The following HADHA variants were observed in gnomAD, a reference collection of about 807,000 sequenced individuals.
HADHA encodes trifunctional enzyme subunit alpha, mitochondrial.
A neutral mutation model predicts 91.3 loss-of-function variants in HADHA; 59 were observed. That is an observed-to-expected ratio of 0.65 (90% CI 0.52 to 0.80). HADHA has a LOEUF of 0.80. HADHA is among the 30% of genes least tolerant of loss of function. HADHA has a pLI of 0.00. For synonymous variants in HADHA, 320 were observed against 338.9 expected (o/e 0.94, Z 0.61); for missense variants, 800 against 927.6 (o/e 0.86, Z 1.79).
intron 3 of HADHA, 27 bp downstream of exon 3, chr2:26,238,907 A>C: frequency 6.7e-7 from 1 of 1,486,166 alleles, no homozygotes; most frequent in Non-Finnish European, 9.4e-7. Flanking sequence ...CGGTTAGCAG[A>C]AAAAAACTGC....
rs899955369 is a variant in HADHA, at chr2:26,227,593, T to C, written c.676+2599A>G. On this transcript the variant is annotated intron_variant, in intron 7 of 19. Transcript: ENST00000380649. ...TAAAAAGATTGACCATGCAAAGTGG[T>C]TGGTACCTAGAACTCTCATACACTG... is the stretch of plus-strand genomic sequence containing the variant. Among the ~76,000 whole-genome samples the C allele has an allele frequency of 1.7e-4, 26 of 152,038 alleles. 1 individual carries two copies. Among genetic ancestry groups the C allele is most frequent in the Non-Finnish European group, 1.5e-5 (1 of 68,018 alleles).
chr2:26,196,851 A>G (rs1669688514), intron 14 of HADHA, among the ~76,000 whole-genome samples: 1 of 152,210 alleles, frequency 6.6e-6, no homozygotes, highest in African/African-American at 2.4e-5. Flanking sequence ...CAGACTGTCC[A>G]TCTGTAGACT....
At position 26,194,608 on chromosome 2, in the gene HADHA, G is replaced by A; in HGVS notation, c.1651C>T (p.Leu551Phe). Reference protein sequence around the residue: ...DGPGFYTTRCLAPMMSEVIRI... With the variant: ...DGPGFYTTRCFAPMMSEVIRI... ...ATGACTTCAGACATCATGGGCGCAA[G>A]ACACCTGGTAGTATAGAAGCCAGGT... The change falls in exon 16 of 20, where the codon CTT (leucine) becomes TTT (phenylalanine). Residue 551 changes from leucine to phenylalanine, a missense_variant. Physicochemically the swap from Leu to Phe is conservative, Grantham distance 22. Coordinates refer to ENST00000380649, the MANE Select transcript of HADHA (RefSeq NM_000182.5). 1 of 1,612,556 alleles carries A rather than the reference G, an allele frequency of 6.2e-7. No homozygotes were observed. Among genetic ancestry groups the A allele is most frequent in the African/African-American group, 1.3e-5 (1 of 74,982 alleles).
At chr2:26,225,310 AAC>A (rs1301917290) in intron 7 of HADHA, among the ~76,000 whole-genome samples, 1 of 151,900 alleles carries the variant, frequency 6.6e-6, no homozygotes, top group African/African-American at 2.4e-5. Flanking sequence ...AACATGATGA[AAC>A]ACTGTTTCTA....
chr2:26,233,896 C>G (rs1158021463), intron 5 of HADHA, among the ~76,000 whole-genome samples: 1 of 152,118 alleles, frequency 6.6e-6, no homozygotes, highest in Non-Finnish European at 1.5e-5. Flanking sequence ...GCCTGGCCAA[C>G]ATGGTGAAAC....
chr2:26,205,362 C>T (rs540906605), intron 11 of HADHA, among the ~76,000 whole-genome samples: 1 of 152,248 alleles, frequency 6.6e-6, no homozygotes, highest in Admixed American at 6.5e-5. Context: ...AAAAGGAAAT[C>T]TAACTTCAAG....
At chr2:26,224,466 T>A (rs571404160) in intron 7 of HADHA, among the ~76,000 whole-genome samples, 2 of 152,364 alleles carry the variant, frequency 1.3e-5, no homozygotes, top group African/African-American at 4.8e-5. Flanking sequence ...TTGTTATGAA[T>A]ATATATAATT....
In HADHA at chr2:26,191,150, C is replaced by G; in HGVS notation, c.*100G>C. 7.9e-7 allele frequency: 1 copy of G among 1,260,674 alleles called. No individual in the cohort carries two copies. The highest frequency in any genetic ancestry group is 1.2e-6 in the Non-Finnish European group (1 of 867,160). The allele number at this position is 1,260,674 out of a possible 1,614,324, so 78.1% of individuals were successfully genotyped here. On this transcript the variant is annotated 3_prime_UTR_variant, in exon 20 of 20. Transcript: ENST00000380649. The stretch of plus-strand genomic sequence containing the variant: ...GAGCAAACCCAGTGCCGGAGTTTGT[C>G]TTCTCGTTACTCTGATAAATCTAGA...
chr2:26,199,652 G>A (rs1288252428), intron 13 of HADHA, among the ~76,000 whole-genome samples: 3 of 152,172 alleles, frequency 2.0e-5, no homozygotes, highest in African/African-American at 7.2e-5. Context: ...TGCAGCAGAA[G>A]TTACCCTGCC....
In HADHA at chr2:26,221,129, C is replaced by T. The variant is rs1361075363; in HGVS notation, c.677-5954G>A. Among the ~76,000 whole-genome samples, 1 of 152,190 alleles carries T rather than the reference C, an allele frequency of 6.6e-6. No homozygotes were observed. ...TTCAGATTTTGGAGACAACATATTACTCATTTGGGTTGCTATTCCAGCCCA... is the reference window on the plus strand; with the variant it reads ...TTCAGATTTTGGAGACAACATATTATTCATTTGGGTTGCTATTCCAGCCCA... On this transcript the variant is annotated intron_variant, in intron 7 of 19. Transcript: ENST00000380649. The surrounding 1 kb of genome is among the most constrained non-coding windows in gnomAD (Gnocchi z 4.8).
At chr2:26,203,572 A>T (rs1340021839) in intron 12 of HADHA, among the ~76,000 whole-genome samples, 1 of 152,178 alleles carries the variant, frequency 6.6e-6, no homozygotes, top group Admixed American at 6.5e-5. Flanking sequence ...CCAGTCAGGA[A>T]ATAAAAGTCT....
At chr2:26,197,912 A>G (rs1669722346) in intron 13 of HADHA, 135 bp from the exon 14 acceptor site, 1 of 718,290 alleles carries the variant, frequency 1.4e-6, no homozygotes, top group East Asian at 2.6e-5. Flanking sequence ...GATGTCACTC[A>G]CCCAGACATT....
At chr2:26,243,017 C>T (rs1670942478) in intron 1 of HADHA, among the ~76,000 whole-genome samples, 1 of 152,256 alleles carries the variant, frequency 6.6e-6, no homozygotes, top group African/African-American at 2.4e-5. Context: ...TCCCAAAGTG[C>T]TGGGATTACA....
In HADHA at chr2:26,232,255, T is replaced by C; in HGVS notation, c.478A>G (p.Ile160Val). 6.2e-7 allele frequency: 1 copy of C among 1,603,234 alleles called. No individual in the cohort carries two copies. Among genetic ancestry groups the C allele is most frequent in the Non-Finnish European group, 8.5e-7 (1 of 1,170,080 alleles). Reference sequence around the variant, plus strand: ...ACTGTTTTTCTGTCTTTTGTTGCTATTCTGTATTGGCATGAAATGGCAACC... The same window carrying C: ...ACTGTTTTTCTGTCTTTTGTTGCTACTCTGTATTGGCATGAAATGGCAACC... ...LEVAISCQYR[I>V]ATKDRKTVLG... The change falls in exon 6 of 20, where the codon ATA becomes GTA. Residue 160 changes from isoleucine (I) to valine (V), a missense_variant. By Grantham distance (29) the Ile-to-Val change is conservative. Coordinates refer to ENST00000380649, the MANE Select transcript of HADHA (RefSeq NM_000182.5).
intron 7 of HADHA, among the ~76,000 whole-genome samples, chr2:26,216,670 C>A (rs1670229508): frequency 6.6e-6 from 1 of 151,986 alleles, no homozygotes; most frequent in Non-Finnish European, 1.5e-5. Flanking sequence ...AATAACTAAG[C>A]CCAAAACTTT....
Position 26,227,674 on chromosome 2 carries a change from C to A in HADHA, c.676+2518G>T, listed in dbSNP as rs1670516703. 2.0e-5 allele frequency among the ~76,000 whole-genome samples: 3 copies of A among 152,036 alleles called. No homozygotes were observed. In the South Asian group the frequency reaches 6.2e-4, roughly 32 times the overall value. On this transcript the variant is annotated intron_variant, in intron 7 of 19. Coordinates refer to ENST00000380649, the MANE Select transcript of HADHA (RefSeq NM_000182.5). ...TTGGGAAAACAGTCTGACAGAAAAG[C>A]AAACACATACCTAGCAAATACTAGT...
chr2:26,232,923 C>T (rs187437289), intron 5 of HADHA, among the ~76,000 whole-genome samples: 19 of 147,740 alleles, frequency 1.3e-4, no homozygotes, highest in Admixed American at 8.2e-4. Context: ...ACCTTTTTGA[C>T]GCCAGGGACA....
chr2:26,215,218 A>T, intron 7 of HADHA, 43 bp from the exon 8 acceptor site: 1 of 1,603,086 alleles, frequency 6.2e-7, no homozygotes, highest in Non-Finnish European at 8.5e-7. Context: ...TCAGGCTTAG[A>T]CCAGTCCCAG....
rs542052863 is a variant in HADHA at position 26,228,975 on chromosome 2, C to T, written c.676+1217G>A. Among the ~76,000 whole-genome samples, 27 of 152,234 alleles carry T rather than the reference C, an allele frequency of 1.8e-4. 2 individuals carry two copies. The highest frequency in any genetic ancestry group is 3.4e-3 in the Middle Eastern group (1 of 294). ...GATTACAGGTGTGAGCCACCATGCA[C>T]GGCTATTTTTGGATTGTGGCAGTGT... On this transcript the variant is annotated intron_variant, in intron 7 of 19. Transcript: ENST00000380649.
Sources: allele counts gnomAD v4.1 joint callset (sites outside exome capture counted in the v4.1 genomes callset), GRCh38; gene constraint gnomAD v4.1.1; non-coding constraint Gnocchi (gnomAD v3.1); transcripts MANE v1.5; gene names NCBI Gene and HGNC (gene_info 2026-07-23, HGNC 2026-07-21).